Variants in RER1 observed in about 807,000 individuals in gnomAD.
RER1 encodes the protein protein RER1.
RER1 carries 6 observed loss-of-function variants against 28.3 expected under a neutral mutation model. That is an observed-to-expected ratio of 0.21 (90% CI 0.12 to 0.42). The LOEUF (loss-of-function observed/expected upper bound fraction) is 0.42, where lower values mean the gene tolerates loss of function less well. Among genes scored for constraint, RER1 ranks in the 10% least tolerant of loss-of-function variants. The pLI is 1.00. For missense variants in RER1, 159 were observed against 252.9 expected (o/e 0.63, Z 2.52); for synonymous variants, 110 against 95.9 (o/e 1.15, Z -0.86).
rs751670941 is a variant in RER1 at position 2,402,356 on chromosome 1, G to C, written c.501+14G>C. On this transcript the variant is annotated intron_variant, in intron 6 of 6. Coordinates refer to ENST00000605895, the MANE Select transcript of RER1 (RefSeq NM_007033.5). ...AGGCAAATCAAGGTAAAGCAGAGGC[G>C]CTGCCGCCACGCCGGCCGCAATCGC... 1 of 1,613,822 alleles carries C rather than the reference G, an allele frequency of 6.2e-7. No homozygotes were observed. The highest frequency in any genetic ancestry group is 8.5e-7 in the Non-Finnish European group (1 of 1,179,822).
chr1:2,399,163 A>T lies in RER1; in HGVS notation c.187-252A>T, dbSNP rs143652855. Among the ~76,000 whole-genome samples, 14 of 152,174 alleles carry T rather than the reference A, an allele frequency of 9.2e-5. No homozygotes were observed. In the East Asian group the frequency reaches 2.5e-3, roughly 27 times the overall value. ...TCAGGGATCACATGTGTCTAACTGGACCCTTGAAGAGCTTTGCTCATTTGG... is the reference window on the plus strand; with the variant it reads ...TCAGGGATCACATGTGTCTAACTGGTCCCTTGAAGAGCTTTGCTCATTTGG... On this transcript the variant is annotated intron_variant, in intron 3 of 6. Transcript: ENST00000605895.
At chr1:2,399,376 G>C in intron 3 of RER1, 39 bp from the exon 4 acceptor site, 1 of 1,380,346 alleles carries the variant, frequency 7.2e-7, no homozygotes, top group Non-Finnish European at 1.0e-6. Flanking sequence ...CTGATGGACG[G>C]TCAGAGTGCA....
rs1642965018 is a variant in RER1, at chr1:2,405,384, C to T, written c.*2260C>T. The T allele has an allele frequency of 2.6e-6, 1 of 378,302 alleles. No homozygotes were observed. Among genetic ancestry groups the T allele is most frequent in the Middle Eastern group, 9.2e-4 (1 of 1,084 alleles). 23.4% of individuals were successfully genotyped at this position (378,302 alleles called of 1,614,324 possible). A position where few individuals can be genotyped will look rare whatever the true frequency, so the allele number is the denominator to read the frequency against. On this transcript the variant is annotated 3_prime_UTR_variant, in exon 7 of 7. Transcript: ENST00000605895. ...ATTCAGTCCATTGCCTTAACACAAG[C>T]CTGATGGGGCTGTTTTCTCACAATA...
intron 1 of RER1, chr1:2,394,794 A>AT (rs908181195): frequency 4.6e-5 from 7 of 150,692 alleles, no homozygotes; most frequent in African/African-American, 1.7e-4. Context: ...GAGGGAGCAG[A>AT]TGGGGGGTGG....
Position 2,395,409 on chromosome 1 carries a change from A to AGG in RER1, c.-7-373_-7-372dup. ...CGGGGGAACCCTGAGGGATCCACAG[A>AGG]GGGTGCGGTCCTTGGAGGGAGGACA... On this transcript the variant is annotated intron_variant, in intron 1 of 6. Transcript: ENST00000605895. The AGG allele has an allele frequency of 1.1e-5, 3 of 272,926 alleles. No individual in the cohort carries two copies. In the South Asian group the frequency reaches 1.2e-4, roughly 11 times the overall value. The allele number at this position is 272,926 out of a possible 1,614,324, so 16.9% of individuals were successfully genotyped here.
intron 5 of RER1, 173 bp from the exon 6 acceptor site, chr1:2,402,034 T>G: frequency 4.5e-6 from 7 of 1,548,534 alleles, no homozygotes; most frequent in Non-Finnish European, 6.1e-6. Flanking sequence ...AGTACATGTC[T>G]GTGAGCTACA....
At chr1:2,396,625 G>A (rs1642771633) in intron 2 of RER1, among the ~76,000 whole-genome samples, 1 of 152,230 alleles carries the variant, frequency 6.6e-6, no homozygotes, top group South Asian at 2.1e-4. Context: ...CTTCGGTCAT[G>A]TCCACAGCCG....
chr1:2,397,456 C>T (rs1350556298), intron 3 of RER1, among the ~76,000 whole-genome samples: 1 of 152,204 alleles, frequency 6.6e-6, no homozygotes, highest in Non-Finnish European at 1.5e-5. Flanking sequence ...CGTCCTGAGC[C>T]CAGCCTGGCC....
At position 2,405,205 on chromosome 1, in the gene RER1, C is replaced by T; in HGVS notation, c.*2081C>T. 1 of 205,568 alleles carries T rather than the reference C, an allele frequency of 4.9e-6. No homozygotes were observed. The highest frequency in any genetic ancestry group is 7.4e-5 in the South Asian group (1 of 13,436). 12.7% of individuals were successfully genotyped at this position (205,568 alleles called of 1,614,324 possible). A position where few individuals can be genotyped will look rare whatever the true frequency, so the allele number is the denominator to read the frequency against. On this transcript the variant is annotated 3_prime_UTR_variant, in exon 7 of 7. Transcript: ENST00000605895. ...TGGCCTTGGTTGGTTTCTCTCTGCC[C>T]CGTGTGGTCATCAAGTCCTGGGGGA...
At chr1:2,402,387 T>G in intron 6 of RER1, 45 bp downstream of exon 6, 1 of 1,612,294 alleles carries the variant, frequency 6.2e-7, no homozygotes, top group Non-Finnish European at 8.5e-7. Flanking sequence ...ATCGCTGTTC[T>G]GTTACCCGCA....
Position 2,392,536 on chromosome 1 carries a change from T to TA in RER1, c.-8+581dup, listed in dbSNP as rs548003078. Among the ~76,000 whole-genome samples, 487 of 152,322 alleles carry TA rather than the reference T, an allele frequency of 3.2e-3. 1 individual carries two copies. Among genetic ancestry groups the TA allele is most frequent in the Middle Eastern group, 0.014 (4 of 294 alleles). ...TAGTACTGGTCTGTGGCCCCACTGATAAAGGTATCGTTCGTTTCTCTGCCA... is the reference window on the plus strand; with the variant it reads ...TAGTACTGGTCTGTGGCCCCACTGATAAAAGGTATCGTTCGTTTCTCTGCCA... On this transcript the variant is annotated intron_variant, in intron 1 of 6. Coordinates refer to ENST00000605895, the MANE Select transcript of RER1 (RefSeq NM_007033.5).
Position 2,399,572 on chromosome 1 carries a change from G to C in RER1, c.286+58G>C, listed in dbSNP as rs1007522449. 19 of 1,054,862 alleles carry C rather than the reference G, an allele frequency of 1.8e-5. No homozygotes were observed. In the Middle Eastern group the frequency reaches 1.3e-3, roughly 71 times the overall value. The allele number at this position is 1,054,862 out of a possible 1,614,324, so 65.3% of individuals were successfully genotyped here. ...GCAGGTTGGGCCTTTCTTTTCTGATGGGATTGCCCAGTGTTCTCTGGAAAC... is the reference window on the plus strand; with the variant it reads ...GCAGGTTGGGCCTTTCTTTTCTGATCGGATTGCCCAGTGTTCTCTGGAAAC... On this transcript the variant is annotated intron_variant, in intron 4 of 6. Coordinates refer to ENST00000605895, the MANE Select transcript of RER1 (RefSeq NM_007033.5).
Position 2,403,719 on chromosome 1 carries a change from G to A in RER1, c.*595G>A, listed in dbSNP as rs1473023965. The A allele has an allele frequency of 6.6e-6, 1 of 152,542 alleles. No homozygotes were observed. The highest frequency in any genetic ancestry group is 1.9e-4 in the East Asian group (1 of 5,202). The allele number at this position is 152,542 out of a possible 1,614,324, so 9.4% of individuals were successfully genotyped here. A position where few individuals can be genotyped will look rare whatever the true frequency, so the allele number is the denominator to read the frequency against. ...CTTAACTACCATGATTGCTTTTGAGGGCCCGGAATTATAAATATATATTAT... is the reference window on the plus strand; with the variant it reads ...CTTAACTACCATGATTGCTTTTGAGAGCCCGGAATTATAAATATATATTAT... On this transcript the variant is annotated 3_prime_UTR_variant, in exon 7 of 7. Coordinates refer to ENST00000605895, the MANE Select transcript of RER1 (RefSeq NM_007033.5).
intron 1 of RER1, chr1:2,394,285 G>A (rs1292379192): frequency 6.6e-6 from 1 of 152,242 alleles, no homozygotes; most frequent in Non-Finnish European, 1.5e-5. Flanking sequence ...CAGGAACGGT[G>A]TCATGGAGCC....
chr1:2,401,333 TCCC>T, intron 5 of RER1, among the ~76,000 whole-genome samples: 1 of 21,614 alleles, frequency 4.6e-5, no homozygotes, highest in Non-Finnish European at 9.0e-5. Context: ...TGCCTCCTCC[TCCC>T]TCCTTCTCCC....
At chr1:2,401,254 C>CCTCCCTCCTCCTA (rs1642847697) in intron 5 of RER1, among the ~76,000 whole-genome samples, 1 of 124,456 alleles carries the variant, frequency 8.0e-6, no homozygotes, top group Non-Finnish European at 1.8e-5. Context: ...CTCCCTCCTT[C>CCTCCCTCCTCCTA]CTCCCTCCTC....
At chr1:2,396,683 G>T (rs913070888) in intron 2 of RER1, among the ~76,000 whole-genome samples, 6 of 152,246 alleles carry the variant, frequency 3.9e-5, no homozygotes, top group African/African-American at 1.4e-4. Context: ...TCAGGCTGTG[G>T]CCAGTGGGCC....
chr1:2,402,258 C>T lies in RER1; in HGVS notation c.417C>T (p.Asp139=), dbSNP rs532164585. ...TGGCTATGGTCTGTACTTTCTTCGA[C>T]GCTTTCAACGTCCCGGTGTTCTGGC... ...ILVAMVCTFF[D]AFNVPVFWPI... is the part of the protein sequence containing the mutation. The change falls in exon 6 of 7, where the codon GAC becomes GAT. Residue 139 remains aspartate, a synonymous_variant. Transcript: ENST00000605895. 1.4e-5 allele frequency: 22 copies of T among 1,614,102 alleles called. No homozygotes were observed. The highest frequency in any genetic ancestry group is 1.1e-4 in the South Asian group (10 of 91,086).
chr1:2,400,154 G>A (rs894318657), intron 4 of RER1, among the ~76,000 whole-genome samples: 5 of 152,238 alleles, frequency 3.3e-5, no homozygotes, highest in Non-Finnish European at 7.3e-5. Flanking sequence ...ATTCCAGGAC[G>A]TGGTGGCCAT....
Sources: allele counts gnomAD v4.1 joint callset (sites outside exome capture counted in the v4.1 genomes callset), GRCh38; gene constraint gnomAD v4.1.1; transcripts MANE v1.5; gene names NCBI Gene and HGNC (gene_info 2026-07-23, HGNC 2026-07-21).